Variants in ADGRE2 observed in about 807,000 individuals in gnomAD.
The protein encoded by ADGRE2 is adhesion G protein-coupled receptor E2.
Under a neutral mutation model 100.8 loss-of-function variants are expected in ADGRE2, and 83 were observed. That is an observed-to-expected ratio of 0.82 (90% CI 0.69 to 0.99). ADGRE2 has a LOEUF of 0.99. ADGRE2 is among the 50% of genes least tolerant of loss of function. ADGRE2 has a pLI of 0.00. For synonymous variants in ADGRE2, 355 were observed against 413.0 expected (o/e 0.86, Z 1.70); for missense variants, 814 against 1,035.7 (o/e 0.79, Z 2.94).
intron 5 of ADGRE2, among the ~76,000 whole-genome samples, chr19:14,770,689 T>C (rs888965519): frequency 1.5e-5 from 2 of 134,892 alleles, no homozygotes; most frequent in African/African-American, 2.8e-5. Flanking sequence ...TTTTTTTTTT[T>C]TTTTTTTTGA....
intron 11 of ADGRE2, among the ~76,000 whole-genome samples, chr19:14,759,168 A>C (rs1369144663): frequency 6.6e-6 from 1 of 152,140 alleles, no homozygotes; most frequent in Non-Finnish European, 1.5e-5. Flanking sequence ...CGTGGTTGAC[A>C]AAGATAAAGG....
rs376746197 is a variant in ADGRE2, at chr19:14,743,698, C to T, written c.2270G>A (p.Arg757Gln). The part of the protein sequence containing the change: ...LGILQVGPAA[R>Q]VMAYLFTIIN... Reference sequence around the variant, plus strand: ...GATGGTGAAGAGGTAGGCCATGACCCGGGCAGCCGGACCCACCTGCAAGAT... The same window carrying T: ...GATGGTGAAGAGGTAGGCCATGACCTGGGCAGCCGGACCCACCTGCAAGAT... The change falls in exon 19 of 21, where the codon CGG (arginine) becomes CAG (glutamine). Residue 757 changes from arginine to glutamine, a missense_variant. This residue lies in a region of ADGRE2 where 569 missense variants were observed against 692.7 expected (regional missense o/e 0.82). Coordinates refer to ENST00000315576, the MANE Select transcript of ADGRE2 (RefSeq NM_013447.4). 53 of 1,614,012 alleles carry T rather than the reference C, an allele frequency of 3.3e-5. 2 individuals are homozygous for T. Among genetic ancestry groups the T allele is most frequent in the South Asian group, 1.5e-4 (14 of 91,094 alleles).
intron 5 of ADGRE2, among the ~76,000 whole-genome samples, chr19:14,770,674 T>TC (rs750271565): frequency 1.1e-4 from 3 of 26,690 alleles, no homozygotes; most frequent in African/African-American, 6.8e-4. Context: ...CTTTTCTTTT[T>TC]TTTTTTTTTT....
chr19:14,763,595 C>A (rs1179920455), intron 11 of ADGRE2, among the ~76,000 whole-genome samples: 2 of 146,758 alleles, frequency 1.4e-5, no homozygotes, highest in Non-Finnish European at 3.0e-5. Flanking sequence ...TTCCTTCTTC[C>A]TCTACTCCTC....
intron 10 of ADGRE2, among the ~76,000 whole-genome samples, chr19:14,764,874 G>A (rs1057051510): frequency 1.2e-4 from 18 of 152,244 alleles, no homozygotes; most frequent in African/African-American, 3.1e-4. Flanking sequence ...AAAATTAGCC[G>A]GGCGTGGTGG....
intron 16 of ADGRE2, among the ~76,000 whole-genome samples, chr19:14,748,550 G>C (rs552654182): frequency 8.5e-5 from 13 of 152,264 alleles, no homozygotes; most frequent in Non-Finnish European, 1.5e-4. Flanking sequence ...CTTGTGATCT[G>C]CTCGCCTCGG....
At chr19:14,745,662 T>C (rs1180079545) in intron 18 of ADGRE2, among the ~76,000 whole-genome samples, 2 of 152,048 alleles carry the variant, frequency 1.3e-5, no homozygotes, top group Admixed American at 6.6e-5. Context: ...TGGAGTGCAG[T>C]GGTGTGATCT....
chr19:14,767,206 G>A (rs1475373161), intron 5 of ADGRE2, 97 bp from the exon 6 acceptor site: 60 of 1,556,042 alleles, frequency 3.9e-5, no homozygotes, highest in Non-Finnish European at 4.7e-5. Flanking sequence ...GCATCTGGAA[G>A]GCACCACTGT....
At chr19:14,752,286 C>T in intron 15 of ADGRE2, 43 bp downstream of exon 15, 1 of 1,611,266 alleles carries the variant, frequency 6.2e-7, no homozygotes, top group Admixed American at 1.7e-5. Flanking sequence ...CCAGCGTGTC[C>T]TGCGTCAAGG....
At chr19:14,727,348 GCTCA>G in the ADGRE2 span, among the ~76,000 whole-genome samples, 9 of 152,278 alleles carry the variant, frequency 5.9e-5, no homozygotes, top group South Asian at 4.1e-4. Flanking sequence ...GGTTTAATTG[GCTCA>G]CTGTTTTGCA....
Position 14,776,746 on chromosome 19 carries a change from C to A in ADGRE2, c.11G>T (p.Arg4Leu), listed in dbSNP as rs546686579. 5.0e-6 allele frequency: 8 copies of A among 1,613,530 alleles called. No homozygotes were observed. The East Asian group carries it at 1.8e-4, about 36-fold the overall frequency. The change falls in exon 2 of 21, where the codon CGC becomes CTC. Residue 4 changes from arginine (R) to leucine (L), a missense_variant. Around this residue, in one of 5 missense-constraint regions of ADGRE2, gnomAD observed 143 missense variants for 160.3 expected, o/e 0.89. Coordinates refer to ENST00000315576, the MANE Select transcript of ADGRE2 (RefSeq NM_013447.4). The stretch of plus-strand genomic sequence containing the variant: ...CTTACCGAGAAAGACGAGAAAGACG[C>A]GGCCTCCCATGGTTCCAGCTGAGCT... MGG[R>L]VFLVFLAFCV...
intron 5 of ADGRE2, among the ~76,000 whole-genome samples, chr19:14,769,737 C>G (rs10415768): frequency 0.044 from 6,734 of 152,100 alleles, 503 homozygotes; most frequent in African/African-American, 0.15. Flanking sequence ...CTCGCTCTGT[C>G]GTCCAGGCTG....
chr19:14,769,115 C>T (rs751869711), intron 5 of ADGRE2, among the ~76,000 whole-genome samples: 4 of 152,176 alleles, frequency 2.6e-5, no homozygotes, highest in Admixed American at 6.5e-5. Context: ...CCAGGTCGGA[C>T]ATGGTGGCTC....
At chr19:14,762,875 C>T (rs2043779829) in intron 11 of ADGRE2, among the ~76,000 whole-genome samples, 1 of 152,024 alleles carries the variant, frequency 6.6e-6, no homozygotes, top group East Asian at 1.9e-4. Flanking sequence ...AACTCCTGAC[C>T]TCAAGTGATC....
At chr19:14,761,871 C>T (rs1390463756) in intron 11 of ADGRE2, among the ~76,000 whole-genome samples, 2 of 152,214 alleles carry the variant, frequency 1.3e-5, no homozygotes, top group Non-Finnish European at 2.9e-5. Flanking sequence ...CCTCCTCAAG[C>T]CTGTCTATAA....
chr19:14,773,790 A>T, intron 4 of ADGRE2, 148 bp downstream of exon 4: 1 of 823,388 alleles, frequency 1.2e-6, no homozygotes, highest in Non-Finnish European at 2.0e-6. Flanking sequence ...GGGAGCCACC[A>T]CACCTGCCCT....
intron 14 of ADGRE2, among the ~76,000 whole-genome samples, chr19:14,752,753 A>T (rs946948195): frequency 2.0e-5 from 3 of 150,860 alleles, no homozygotes; most frequent in African/African-American, 7.3e-5. Context: ...GGTGTGCATT[A>T]TAGTCATGTA....
chr19:14,737,770 T>C (rs2524375), intron 20 of ADGRE2, among the ~76,000 whole-genome samples: 25,928 of 151,954 alleles, frequency 0.17, 2,459 homozygotes, highest in East Asian at 0.24. Flanking sequence ...GAGACCAGCC[T>C]GGCCAACATG....
intron 5 of ADGRE2, among the ~76,000 whole-genome samples, chr19:14,769,722 G>A (rs1040070218): frequency 3.3e-5 from 5 of 151,524 alleles, no homozygotes; most frequent in African/African-American, 1.2e-4. Flanking sequence ...TTTTGGAGAC[G>A]GAGTCTCGCT....
Sources: allele counts gnomAD v4.1 joint callset (sites outside exome capture counted in the v4.1 genomes callset), GRCh38; gene constraint gnomAD v4.1.1; regional missense constraint gnomAD v4.1.1; transcripts MANE v1.5; gene names NCBI Gene and HGNC (gene_info 2026-07-23, HGNC 2026-07-21).